The following ERC2 variants were observed in gnomAD, a reference collection of about 807,000 sequenced individuals.
ERC2 encodes the protein ELKS/RAB6-interacting/CAST family member 2, also known as ERC protein 2.
ERC2 carries 42 observed loss-of-function variants against 114.8 expected under a neutral mutation model. The observed-to-expected ratio is 0.37, with a 90% CI of 0.29 to 0.47. ERC2 has a LOEUF of 0.47. Ranked by LOEUF, ERC2 falls within the 20% of genes least tolerant of loss-of-function variation. The pLI, the probability that ERC2 is intolerant of heterozygous loss-of-function variation, is 0.99. For synonymous variants in ERC2, 454 were observed against 425.5 expected, an observed-to-expected ratio of 1.07 and a Z score of -0.82; for missense variants, 939 against 1,150.7, an observed-to-expected ratio of 0.82 and a Z score of 2.66.
chr3:56,002,228 G>A (rs1226166441), intron 10 of ERC2, among the ~76,000 whole-genome samples: 3 of 152,040 alleles, frequency 2.0e-5, no homozygotes, highest in Non-Finnish European at 4.4e-5. Flanking sequence ...AAAAAGTTGT[G>A]GGTGCAATTG....
At chr3:55,675,903 C>CTTTTTTTTTTTGT in intron 17 of ERC2, among the ~76,000 whole-genome samples, 1 of 47,994 alleles carries the variant, frequency 2.1e-5, no homozygotes, top group Non-Finnish European at 3.5e-5. Context: ...TCTTTTCTTT[C>CTTTTTTTTTTTGT]TTTTTTTTTT....
chr3:55,842,842 C>T (rs917378544), intron 14 of ERC2, among the ~76,000 whole-genome samples: 1 of 151,662 alleles, frequency 6.6e-6, no homozygotes, highest in Admixed American at 6.6e-5. Context: ...TAACCTCTAA[C>T]GATCAAAAGT....
intron 14 of ERC2, among the ~76,000 whole-genome samples, chr3:55,849,202 C>T (rs142026354): frequency 3.8e-4 from 58 of 152,170 alleles, no homozygotes; most frequent in Middle Eastern, 3.4e-3. Flanking sequence ...AGATAAGAGT[C>T]CCGGACCACC....
chr3:56,316,384 C>G (rs1046472181), intron 2 of ERC2, among the ~76,000 whole-genome samples: 2 of 152,166 alleles, frequency 1.3e-5, no homozygotes, highest in Non-Finnish European at 2.9e-5. Context: ...TTTAAATAAA[C>G]TTTTAAATCA....
intron 3 of ERC2, among the ~76,000 whole-genome samples, chr3:56,273,262 CTTT>C (rs35595771): frequency 2.8e-4 from 26 of 93,690 alleles, no homozygotes; most frequent in Non-Finnish European, 2.9e-4. Flanking sequence ...TTTTTTCTTT[CTTT>C]TTTTTTTTTT....
chr3:56,136,586 A>T (rs184601353), intron 6 of ERC2, among the ~76,000 whole-genome samples: 30 of 152,248 alleles, frequency 2.0e-4, no homozygotes, highest in Non-Finnish European at 3.1e-4. Context: ...TCATCTTCTG[A>T]ATACTCACCC....
At chr3:55,699,585 T>C in intron 15 of ERC2, 73 bp from the exon 16 acceptor site, 1 of 1,511,818 alleles carries the variant, frequency 6.6e-7, no homozygotes, top group Non-Finnish European at 9.0e-7. Context: ...AGGGCATAAT[T>C]ACAGTACCTA....
chr3:56,179,173 G>A (rs1004390460), intron 3 of ERC2, among the ~76,000 whole-genome samples: 1 of 152,162 alleles, frequency 6.6e-6, no homozygotes, highest in Non-Finnish European at 1.5e-5. Flanking sequence ...ACCACTGACT[G>A]GACAAGCTTC....
chr3:55,984,296 A>C (rs139590996), intron 12 of ERC2, among the ~76,000 whole-genome samples: 190 of 152,204 alleles, frequency 1.2e-3, no homozygotes, highest in African/African-American at 4.3e-3. Context: ...AATAGGAAAA[A>C]AAAAACAAAA....
intron 17 of ERC2, among the ~76,000 whole-genome samples, chr3:55,624,784 G>A (rs1340888447): frequency 6.6e-6 from 1 of 152,078 alleles, no homozygotes; most frequent in Non-Finnish European, 1.5e-5. Flanking sequence ...CATGTCTGTG[G>A]TGTCGGTATG....
At chr3:55,586,750 G>A (rs2057625393) in intron 17 of ERC2, among the ~76,000 whole-genome samples, 1 of 152,126 alleles carries the variant, frequency 6.6e-6, no homozygotes, top group African/African-American at 2.4e-5. Flanking sequence ...CTCTGCATGA[G>A]GCAATTTAAT....
At chr3:56,075,058 A>T (rs1267393703) in intron 7 of ERC2, among the ~76,000 whole-genome samples, 1 of 152,200 alleles carries the variant, frequency 6.6e-6, no homozygotes, top group Non-Finnish European at 1.5e-5. Context: ...CACCAAAGGG[A>T]TGCATAATTC....
chr3:56,320,586 T>G (rs1239499989), intron 2 of ERC2, among the ~76,000 whole-genome samples: 1 of 152,166 alleles, frequency 6.6e-6, no homozygotes, highest in Non-Finnish European at 1.5e-5. Flanking sequence ...AAACAGGATT[T>G]TTTTGCCCCT....
chr3:55,753,299 C>T (rs2066836467), intron 14 of ERC2, among the ~76,000 whole-genome samples: 1 of 152,140 alleles, frequency 6.6e-6, no homozygotes, highest in Non-Finnish European at 1.5e-5. Flanking sequence ...GACAGTCATC[C>T]AATTTTATAT....
chr3:55,712,780 T>C (rs1260840950), intron 15 of ERC2, among the ~76,000 whole-genome samples: 1 of 152,166 alleles, frequency 6.6e-6, no homozygotes, highest in Non-Finnish European at 1.5e-5. Flanking sequence ...GCAGCTCACG[T>C]CTTCAGATAT....
chr3:56,331,309 C>T (rs182299145), intron 2 of ERC2, among the ~76,000 whole-genome samples: 1 of 152,126 alleles, frequency 6.6e-6, no homozygotes, highest in African/African-American at 2.4e-5. Flanking sequence ...AGTAAGAACC[C>T]CCTACTCTTG....
At chr3:55,738,485 T>C (rs758438260) in intron 14 of ERC2, among the ~76,000 whole-genome samples, 6 of 152,152 alleles carry the variant, frequency 3.9e-5, no homozygotes, top group Non-Finnish European at 5.9e-5. Context: ...TTAGCAGGTA[T>C]ATAATTTGCT....
At chr3:56,274,357 C>G (rs146915147) in intron 3 of ERC2, among the ~76,000 whole-genome samples, 20 of 152,280 alleles carry the variant, frequency 1.3e-4, no homozygotes, top group Non-Finnish European at 2.5e-4. Context: ...GTTCCCGATG[C>G]CAAACAGGTT....
chr3:55,650,753 A>G (rs2060583667), intron 17 of ERC2, among the ~76,000 whole-genome samples: 1 of 152,186 alleles, frequency 6.6e-6, no homozygotes. Context: ...GTCCATGTCA[A>G]ATAAAGCCTT....
Sources: gnomAD v4.1 joint callset for allele counts (sites outside exome capture counted in the v4.1 genomes callset) on GRCh38, gnomAD v4.1.1 for gene constraint, MANE v1.5 for transcripts, NCBI Gene and HGNC (gene_info 2026-07-23, HGNC 2026-07-21) for gene names.